Variants in IGFBP2 observed in about 807,000 individuals in gnomAD.
IGFBP2 encodes the protein insulin-like growth factor-binding protein 2.
A neutral mutation model predicts 26.2 loss-of-function variants in IGFBP2; 12 were observed. The ratio of observed to expected loss-of-function variants is 0.46; its 90% CI spans 0.29 to 0.74. IGFBP2 has a LOEUF of 0.74. Ranked by LOEUF, IGFBP2 falls within the 30% of genes least tolerant of loss-of-function variation. The probability of loss-of-function intolerance (pLI) is 0.09; values close to 1 mark genes in which losing one functional copy is unlikely to be tolerated. For synonymous variants in IGFBP2, 189 were observed against 200.6 expected (o/e 0.94, Z 0.49); for missense variants, 328 against 441.2 (o/e 0.74, Z 2.30).
chr2:216,633,720 C>T lies in IGFBP2; in HGVS notation c.197C>T (p.Ala66Val), dbSNP rs1165929574. 1.6e-6 allele frequency: 2 copies of T among 1,216,030 alleles called. No homozygotes were observed. The highest frequency in any genetic ancestry group is 2.0e-6 in the Non-Finnish European group (2 of 979,418). 75.3% of individuals were successfully genotyped at this position (1,216,030 alleles called of 1,614,324 possible). A position where few individuals can be genotyped will look rare whatever the true frequency, so the allele number is the denominator to read the frequency against. Reference protein sequence around the residue: ...PPVAPPAAVAAVAGGARMPCA... With the variant: ...PPVAPPAAVAVVAGGARMPCA... ...GTTGCGCCGCCCGCCGCGGTGGCCG[C>T]AGTGGCCGGAGGCGCCCGCATGCCA... Residue 66 changes from alanine (A) to valine (V), a missense_variant, in exon 1 of 4, where the codon GCA becomes GTA. By Grantham distance (64) the Ala-to-Val change is moderately conservative (BLOSUM62 0). Coordinates refer to ENST00000233809, the MANE Select transcript of IGFBP2 (RefSeq NM_000597.3).
chr2:216,651,144 A>C (rs956629012), intron 1 of IGFBP2, among the ~76,000 whole-genome samples: 6 of 152,236 alleles, frequency 3.9e-5, no homozygotes, highest in African/African-American at 1.4e-4. Flanking sequence ...ACTCACCCAC[A>C]AAGTCTCAGG....
chr2:216,664,141 G>C lies in IGFBP2; in HGVS notation c.*37G>C. Reference sequence around the variant, plus strand: ...CCGGTGCCTGGCGCCCCTGCCCCCCGCCCCTCTCCAAACACCGGCAGAAAA... The same window carrying C: ...CCGGTGCCTGGCGCCCCTGCCCCCCCCCCCTCTCCAAACACCGGCAGAAAA... On this transcript the variant is annotated 3_prime_UTR_variant, in exon 4 of 4. Coordinates refer to ENST00000233809, the MANE Select transcript of IGFBP2 (RefSeq NM_000597.3). This position sits in a 1 kb window ranked among gnomAD's most constrained non-coding sequence, Gnocchi z 4.6. The C allele has an allele frequency of 1.3e-6, 2 of 1,493,208 alleles. No homozygotes were observed. Among genetic ancestry groups the C allele is most frequent in the Non-Finnish European group, 1.8e-6 (2 of 1,112,102 alleles). The allele number at this position is 1,493,208 out of a possible 1,614,324, so 92.5% of individuals were successfully genotyped here.
At chr2:216,651,182 G>A (rs912391511) in intron 1 of IGFBP2, among the ~76,000 whole-genome samples, 6 of 152,152 alleles carry the variant, frequency 3.9e-5, no homozygotes, top group African/African-American at 1.4e-4. Context: ...AGCTAAAGAA[G>A]TAACAAATAG....
At chr2:216,642,974 C>A (rs1390672036) in intron 1 of IGFBP2, among the ~76,000 whole-genome samples, 2 of 152,080 alleles carry the variant, frequency 1.3e-5, no homozygotes, top group African/African-American at 4.8e-5. Flanking sequence ...ATCCAGACTT[C>A]AGAATAATAG....
Position 216,664,077 on chromosome 2 carries a change from C to T in IGFBP2, c.951C>T (p.Arg317=), listed in dbSNP as rs375579208. 2.2e-5 allele frequency: 35 copies of T among 1,611,864 alleles called. No individual in the cohort carries two copies. The highest frequency in any genetic ancestry group is 3.3e-5 in the Admixed American group (2 of 59,838). ...TCTACAATGAGCAGCAGGAGGCTCG[C>T]GGGGTGCACACCCAGCGGATGCAGT... ...HLFYNEQQEA[R]GVHTQRMQ The change falls in exon 4 of 4, where the codon CGC becomes CGT. Residue 317 remains arginine (R), a synonymous_variant. Transcript: ENST00000233809. This position sits in a 1 kb window ranked among gnomAD's most constrained non-coding sequence, Gnocchi z 4.6.
At chr2:216,645,740 G>A (rs925072465) in intron 1 of IGFBP2, among the ~76,000 whole-genome samples, 3 of 152,156 alleles carry the variant, frequency 2.0e-5, no homozygotes, top group African/African-American at 7.2e-5. Context: ...CCTTGAGTGT[G>A]GCTTACCTGG....
intron 1 of IGFBP2, among the ~76,000 whole-genome samples, chr2:216,654,374 C>T (rs1697881123): frequency 6.6e-6 from 1 of 152,114 alleles, no homozygotes; most frequent in South Asian, 2.1e-4. Flanking sequence ...TCCCAGTTGC[C>T]CATAGGAGGT....
rs1176658423 is a variant in IGFBP2 at position 216,658,355 on chromosome 2, C to T, written c.443-2202C>T. On this transcript the variant is annotated intron_variant, in intron 1 of 3. Coordinates refer to ENST00000233809, the MANE Select transcript of IGFBP2 (RefSeq NM_000597.3). ...GTGCCAACATTTGAACATGCTCAGC[C>T]GTGGTAACAGCTATTAGGATGTTCA... 2.0e-5 allele frequency among the ~76,000 whole-genome samples: 3 copies of T among 152,046 alleles called. No homozygotes were observed. In the East Asian group the frequency reaches 5.8e-4, roughly 29 times the overall value.
At chr2:216,637,203 T>C (rs927869765) in intron 1 of IGFBP2, among the ~76,000 whole-genome samples, 111 of 151,994 alleles carry the variant, frequency 7.3e-4, no homozygotes, top group Non-Finnish European at 7.8e-4. Flanking sequence ...CCACCTCCCC[T>C]CCCCCCATCT....
In IGFBP2 at chr2:216,642,306, A is replaced by ATTT. The variant is rs78737054; in HGVS notation, c.442+8357_442+8359dup. Among the ~76,000 whole-genome samples, 141 of 93,806 alleles carry ATTT rather than the reference A, an allele frequency of 1.5e-3. 3 individuals carry two copies. Among genetic ancestry groups the ATTT allele is most frequent in the African/African-American group, 5.3e-3 (123 of 23,144 alleles). 61.5% of individuals were successfully genotyped at this position (93,806 alleles called of 152,430 possible). ...AGCCACCCCGTCTGGCTAGGCTTGC[A>ATTT]TTTTTTTTTTTTTTTTTTGAGACGG... On this transcript the variant is annotated intron_variant, in intron 1 of 3. Transcript: ENST00000233809.
intron 1 of IGFBP2, among the ~76,000 whole-genome samples, chr2:216,650,685 A>G (rs1697801975): frequency 6.6e-6 from 1 of 152,216 alleles, no homozygotes. Flanking sequence ...CAGAAGAGAA[A>G]GGCCAGTTCT....
intron 1 of IGFBP2, among the ~76,000 whole-genome samples, chr2:216,649,208 T>G (rs1188534334): frequency 6.6e-6 from 1 of 152,268 alleles, no homozygotes; most frequent in Non-Finnish European, 1.5e-5. Context: ...ATTTTCCCTC[T>G]TAACATTAGG....
intron 1 of IGFBP2, chr2:216,659,619 ACTGTGGCAGGCTGGAG>A (rs1275815604): frequency 2.2e-6 from 2 of 925,814 alleles, no homozygotes; most frequent in African/African-American, 3.3e-5. Flanking sequence ...CCAGAGTGAG[ACTGTGGCAGGCTGGAG>A]CTGTTTTCAA....
intron 1 of IGFBP2, among the ~76,000 whole-genome samples, chr2:216,660,298 G>C (rs1698010908): frequency 6.6e-6 from 1 of 152,180 alleles, no homozygotes. Flanking sequence ...TCTTGGTCAA[G>C]TAACTGACCT....
intron 3 of IGFBP2, 109 bp from the exon 4 acceptor site, chr2:216,663,831 C>G: frequency 8.6e-7 from 1 of 1,156,468 alleles, no homozygotes; most frequent in South Asian, 1.7e-5. Flanking sequence ...CTCCACCCGG[C>G]AGCGCATGGG....
chr2:216,656,765 C>G (rs931494717), intron 1 of IGFBP2, among the ~76,000 whole-genome samples: 38 of 152,170 alleles, frequency 2.5e-4, no homozygotes, highest in Admixed American at 1.3e-4. Flanking sequence ...TCTGCCTTCA[C>G]CCAAGCCACT....
chr2:216,656,191 C>T (rs142084556), intron 1 of IGFBP2, among the ~76,000 whole-genome samples: 9 of 152,176 alleles, frequency 5.9e-5, no homozygotes, highest in African/African-American at 1.7e-4. Flanking sequence ...TTGGATTGAC[C>T]TCTGGGACGC....
chr2:216,655,481 C>G (rs576961498), intron 1 of IGFBP2, among the ~76,000 whole-genome samples: 2 of 152,188 alleles, frequency 1.3e-5, no homozygotes, highest in East Asian at 3.8e-4. Context: ...CTTCCCGGAC[C>G]TTTGGCTTCT....
intron 1 of IGFBP2, among the ~76,000 whole-genome samples, chr2:216,636,563 T>A (rs1404895): frequency 1 from 151,520 of 152,046 alleles, 75,499 homozygotes; most frequent in Middle Eastern, 1. Flanking sequence ...GAGAAGTCAG[T>A]CTTGGGGGAA....
Sources: gnomAD v4.1 joint callset for allele counts (sites outside exome capture counted in the v4.1 genomes callset) on GRCh38, gnomAD v4.1.1 for gene constraint, Gnocchi (gnomAD v3.1) non-coding constraint, MANE v1.5 for transcripts, NCBI Gene and HGNC (gene_info 2026-07-23, HGNC 2026-07-21) for gene names.